GBE1: variants seen among roughly 807,000 people sequenced by gnomAD.
GBE1 encodes the protein 1,4-alpha-glucan-branching enzyme.
In GBE1, 70 loss-of-function variants were observed where a neutral mutation model predicts 88.8. The observed-to-expected ratio is 0.79, with a 90% CI of 0.65 to 0.96. The LOEUF is 0.96. GBE1 is among the 40% of genes least tolerant of loss of function. GBE1 has a pLI of 0.00. For synonymous variants in GBE1, 284 were observed against 300.1 expected (o/e 0.95, Z 0.56); for missense variants, 872 against 871.0 (o/e 1.00, Z -0.01).
chr3:81,743,190 C>T (rs1030833141), intron 1 of GBE1, among the ~76,000 whole-genome samples: 1 of 152,096 alleles, frequency 6.6e-6, no homozygotes, highest in Non-Finnish European at 1.5e-5. Flanking sequence ...GAAAACACAA[C>T]ATGGATGAGA....
intron 1 of GBE1, among the ~76,000 whole-genome samples, chr3:81,754,153 T>C (rs1289817164): frequency 6.6e-6 from 1 of 152,180 alleles, no homozygotes; most frequent in Non-Finnish European, 1.5e-5. Context: ...GTATGATTTA[T>C]ATATGCCAAC....
intron 14 of GBE1, among the ~76,000 whole-genome samples, chr3:81,515,866 A>G (rs1388386539): frequency 6.6e-6 from 1 of 151,626 alleles, no homozygotes; most frequent in African/African-American, 2.4e-5. Context: ...GTCAAAGCCT[A>G]ATCCAGCAAG....
intron 14 of GBE1, among the ~76,000 whole-genome samples, chr3:81,506,801 A>C (rs1485033006): frequency 6.6e-6 from 1 of 152,232 alleles, no homozygotes; most frequent in African/African-American, 2.4e-5. Context: ...CATTATCCTT[A>C]GCAAACTAAC....
intron 7 of GBE1, among the ~76,000 whole-genome samples, chr3:81,594,266 T>TAGGGAAAACATTTTTTAAC (rs1340428683): frequency 3.3e-5 from 5 of 152,076 alleles, no homozygotes; most frequent in Non-Finnish European, 5.9e-5. Flanking sequence ...TAAGAAAATT[T>TAGGGAAAACATTTTTTAAC]AGGGAAAACA....
At chr3:81,516,078 G>A (rs910224390) in intron 14 of GBE1, among the ~76,000 whole-genome samples, 3 of 151,666 alleles carry the variant, frequency 2.0e-5, no homozygotes, top group Non-Finnish European at 3.0e-5. Context: ...ATTGATAAAC[G>A]TGACTACACT....
intron 8 of GBE1, among the ~76,000 whole-genome samples, chr3:81,592,972 T>C (rs1461825757): frequency 6.6e-6 from 1 of 152,160 alleles, no homozygotes; most frequent in Non-Finnish European, 1.5e-5. Flanking sequence ...CTTCTTTCCT[T>C]GGCAGTCACT....
chr3:81,719,075 G>A (rs1705983541), intron 1 of GBE1, among the ~76,000 whole-genome samples: 1 of 152,200 alleles, frequency 6.6e-6, no homozygotes, highest in Non-Finnish European at 1.5e-5. Flanking sequence ...CTCTAGGTAA[G>A]TGTGATACAA....
chr3:81,716,672 T>G (rs1705941549), intron 1 of GBE1, among the ~76,000 whole-genome samples: 1 of 152,170 alleles, frequency 6.6e-6, no homozygotes, highest in Non-Finnish European at 1.5e-5. Context: ...TGACACAACT[T>G]AAAGAACCTA....
intron 1 of GBE1, among the ~76,000 whole-genome samples, chr3:81,725,705 C>T (rs995172514): frequency 6.6e-6 from 1 of 152,176 alleles, no homozygotes; most frequent in Non-Finnish European, 1.5e-5. Flanking sequence ...TCTAGAAACA[C>T]ATTAGTGCAT....
At chr3:81,513,339 A>G (rs1416016683) in intron 14 of GBE1, among the ~76,000 whole-genome samples, 1 of 151,692 alleles carries the variant, frequency 6.6e-6, no homozygotes, top group Non-Finnish European at 1.5e-5. Flanking sequence ...TTTAACAGGG[A>G]ACAGAAGAGT....
intron 3 of GBE1, among the ~76,000 whole-genome samples, chr3:81,662,643 C>T (rs1216613676): frequency 1.3e-5 from 2 of 149,142 alleles, no homozygotes; most frequent in Non-Finnish European, 3.0e-5. Context: ...AATCATTTTG[C>T]CAAACATTAA....
At chr3:81,680,658 T>C (rs1231430161) in intron 2 of GBE1, among the ~76,000 whole-genome samples, 2 of 152,186 alleles carry the variant, frequency 1.3e-5, no homozygotes, top group African/African-American at 4.8e-5. Context: ...GACTGAAAGT[T>C]TGTATGCCCC....
intron 1 of GBE1, among the ~76,000 whole-genome samples, chr3:81,749,539 T>C (rs890020822): frequency 6.6e-5 from 10 of 152,214 alleles, no homozygotes; most frequent in African/African-American, 2.4e-4. Context: ...TATATCTTCA[T>C]TGCAGTGTCA....
intron 5 of GBE1, 104 bp from the exon 6 acceptor site, chr3:81,646,586 A>G (rs1704767316): frequency 1.5e-6 from 1 of 668,696 alleles, no homozygotes; most frequent in Non-Finnish European, 2.6e-6. Flanking sequence ...TTTACAAACA[A>G]TCTAGAAGCT....
At chr3:81,521,362 G>A (rs1702872451) in intron 14 of GBE1, among the ~76,000 whole-genome samples, 1 of 151,570 alleles carries the variant, frequency 6.6e-6, no homozygotes, top group African/African-American at 2.4e-5. Context: ...TGCCATGGTA[G>A]ACTCTTCACA....
chr3:81,730,339 A>G (rs1413298133), intron 1 of GBE1, among the ~76,000 whole-genome samples: 1 of 152,178 alleles, frequency 6.6e-6, no homozygotes, highest in Non-Finnish European at 1.5e-5. Flanking sequence ...ATATAGTGTT[A>G]TCTCCCCATA....
chr3:81,496,932 C>A (rs1413464758), intron 15 of GBE1, among the ~76,000 whole-genome samples: 2 of 152,110 alleles, frequency 1.3e-5, no homozygotes, highest in Non-Finnish European at 2.9e-5. Flanking sequence ...GAGAGCTAGC[C>A]CTTATCTCAC....
intron 7 of GBE1, among the ~76,000 whole-genome samples, chr3:81,619,530 T>C (rs572913111): frequency 2.0e-5 from 3 of 152,286 alleles, no homozygotes; most frequent in East Asian, 3.9e-4. Context: ...ATATAAATTG[T>C]TTATTGATTC....
intron 12 of GBE1, among the ~76,000 whole-genome samples, chr3:81,550,755 A>G (rs1464078788): frequency 1.3e-5 from 2 of 152,206 alleles, no homozygotes; most frequent in Non-Finnish European, 2.9e-5. Flanking sequence ...TACAAATGCC[A>G]TGGCAACGTC....
Sources: gnomAD v4.1 joint callset for allele counts (sites outside exome capture counted in the v4.1 genomes callset) on GRCh38, gnomAD v4.1.1 for gene constraint, MANE v1.5 for transcripts, NCBI Gene and HGNC (gene_info 2026-07-23, HGNC 2026-07-21) for gene names.